COL11A1: variants seen among roughly 807,000 people sequenced by gnomAD.
The protein encoded by COL11A1 is collagen type XI alpha 1 chain.
A neutral mutation model predicts 265.2 loss-of-function variants in COL11A1; 74 were observed. That is an observed-to-expected ratio of 0.28 (90% CI 0.23 to 0.34). The LOEUF is 0.34. COL11A1 is among the 10% of genes least tolerant of loss of function. The pLI, the probability that COL11A1 is intolerant of heterozygous loss-of-function variation, is 1.00. For missense variants in COL11A1, 2,165 were observed against 2,263.6 expected (o/e 0.96, Z 0.88); for synonymous variants, 816 against 727.6 (o/e 1.12, Z -1.96).
chr1:103,004,372 T>C (rs1665402568), intron 20 of COL11A1, 72 bp downstream of exon 20: 3 of 1,101,588 alleles, frequency 2.7e-6, no homozygotes, highest in East Asian at 4.9e-5. Context: ...TCATTGTTTT[T>C]ATATGTGTAA....
Position 102,915,609 on chromosome 1 carries a change from T to C in COL11A1, c.3816+22A>G, listed in dbSNP as rs779648550. On this transcript the variant is annotated intron_variant, in intron 50 of 66. Transcript: ENST00000370096. ...ATTCCCAAACCAATAATACACTATGTTAACAATAACACAGTACTTACGCCT... is the reference window on the plus strand; with the variant it reads ...ATTCCCAAACCAATAATACACTATGCTAACAATAACACAGTACTTACGCCT... The C allele has an allele frequency of 3.1e-6, 5 of 1,605,910 alleles. No homozygotes were observed. The South Asian group carries it at 5.5e-5, about 18-fold the overall frequency.
rs1331147323 is a variant in COL11A1, at chr1:103,006,064, T to C, written c.1791+4A>G. 3 of 1,614,006 alleles carry C rather than the reference T, an allele frequency of 1.9e-6. No individual in the cohort carries two copies. Among genetic ancestry groups the C allele is most frequent in the Admixed American group, 1.7e-5 (1 of 60,020 alleles). On this transcript the variant is annotated splice_donor_region_variant and intron_variant, in intron 17 of 66. Coordinates refer to ENST00000370096, the MANE Select transcript of COL11A1 (RefSeq NM_001854.4). ...GTGAATATAAAAATATGTGAGCTCC[T>C]GACCTTTGCCCCAGGTTCTCCTGGC...
At chr1:102,990,018 CTACAAAAAA>C (rs1318092273) in intron 28 of COL11A1, among the ~76,000 whole-genome samples, 1 of 151,990 alleles carries the variant, frequency 6.6e-6, no homozygotes, top group Non-Finnish European at 1.5e-5. Flanking sequence ...AAACCCATCT[CTACAAAAAA>C]TACAAAAATT....
At chr1:103,018,023 C>T in intron 10 of COL11A1, 141 bp from the exon 11 acceptor site, 1 of 766,150 alleles carries the variant, frequency 1.3e-6, no homozygotes. Context: ...ATTTATCTTC[C>T]TGTGAAAAGA....
At position 103,006,088 on chromosome 1, in the gene COL11A1, G is replaced by A; in HGVS notation, c.1771C>T (p.Pro591Ser). 6.2e-7 allele frequency: 1 copy of A among 1,613,884 alleles called. No individual in the cohort carries two copies. Among genetic ancestry groups the A allele is most frequent in the Non-Finnish European group, 8.5e-7 (1 of 1,179,936 alleles). The change falls in exon 17 of 67, where the codon CCA becomes TCA. Residue 591 changes from proline to serine, a missense_variant. Coordinates refer to ENST00000370096, the MANE Select transcript of COL11A1 (RefSeq NM_001854.4). ...CTGACCTTTGCCCCAGGTTCTCCTG[G>A]CATTCCTCTTCCTCCATCTGCACCT... is the stretch of plus-strand genomic sequence containing the variant. The part of the protein sequence containing the change: ...RPGADGGRGM[P>S]GEPGAKGDRG...
intron 4 of COL11A1, among the ~76,000 whole-genome samples, chr1:103,061,775 T>G (rs1368784309): frequency 6.6e-6 from 1 of 151,906 alleles, no homozygotes; most frequent in African/African-American, 2.4e-5. Context: ...TAAGCTTCTA[T>G]CCTAAGAATC....
In COL11A1 at chr1:103,055,955, C is replaced by T. The variant is rs1670214340; in HGVS notation, c.651+18663G>A. 3.3e-5 allele frequency among the ~76,000 whole-genome samples: 5 copies of T among 152,256 alleles called. No individual in the cohort carries two copies. In the South Asian group the frequency reaches 1.0e-3, roughly 32 times the overall value. ...AAAACTATAAACTCTGAACAAAATG[C>T]AATAAACAACTAGCTGACAATTCTG... On this transcript the variant is annotated intron_variant, in intron 4 of 66. Coordinates refer to ENST00000370096, the MANE Select transcript of COL11A1 (RefSeq NM_001854.4).
In COL11A1 at chr1:102,947,232, ATC is replaced by A. The variant is rs146566120; in HGVS notation, c.3169-278_3169-277del. ...ATGTATTTAATATTTATTTAATGTT[ATC>A]TGTTTCCATTTAAGTGTTCATAATT... On this transcript the variant is annotated intron_variant, in intron 41 of 66. Coordinates refer to ENST00000370096, the MANE Select transcript of COL11A1 (RefSeq NM_001854.4). 0.033 allele frequency among the ~76,000 whole-genome samples: 5,093 copies of A among 152,236 alleles called. 303 individuals carry two copies. Among genetic ancestry groups the A allele is most frequent in the African/African-American group, 0.12 (4,839 of 41,518 alleles).
intron 1 of COL11A1, among the ~76,000 whole-genome samples, chr1:103,090,171 CA>C (rs1558045595): frequency 6.6e-6 from 1 of 151,528 alleles, no homozygotes; most frequent in Non-Finnish European, 1.5e-5. Context: ...AAATAAGTAA[CA>C]ATAATAAAGT....
chr1:102,902,133 A>T (rs1653284522), intron 54 of COL11A1, among the ~76,000 whole-genome samples: 1 of 152,146 alleles, frequency 6.6e-6, no homozygotes, highest in Non-Finnish European at 1.5e-5. Flanking sequence ...CTGATCACTC[A>T]CGTGCATGCT....
At chr1:102,992,498 G>T (rs141180545) in intron 28 of COL11A1, among the ~76,000 whole-genome samples, 1 of 151,580 alleles carries the variant, frequency 6.6e-6, no homozygotes, top group Non-Finnish European at 1.5e-5. Context: ...CTTCTATCTC[G>T]TAAGAGATAA....
At chr1:103,096,759 CA>C (rs1192472470) in intron 1 of COL11A1, among the ~76,000 whole-genome samples, 2 of 151,762 alleles carry the variant, frequency 1.3e-5, no homozygotes, top group African/African-American at 4.8e-5. Flanking sequence ...CTCAAATAAT[CA>C]AAATAGAGAT....
chr1:102,945,246 T>TACTC, intron 42 of COL11A1, among the ~76,000 whole-genome samples: 1 of 62,216 alleles, frequency 1.6e-5, no homozygotes, highest in South Asian at 6.7e-4. Context: ...GTTTTCTTTT[T>TACTC]ACTCTCTCTC....
Position 103,014,584 on chromosome 1 carries a change from C to T in COL11A1, c.1499G>A (p.Gly500Asp). ...GGTTGGTCCTTTGGAACCATCACCA[C>T]CATAACGGAACTTGGAAGAGATAAC... ...GTMLMLPFRY[G>D]GDGSKGPTIS... is the part of the protein sequence containing the mutation. Residue 500 changes from glycine to aspartate, a missense_variant, in exon 13 of 67, where the codon GGT (glycine) becomes GAT (aspartate). By Grantham distance (94) the Gly-to-Asp change is moderately conservative. Coordinates refer to ENST00000370096, the MANE Select transcript of COL11A1 (RefSeq NM_001854.4). 1.2e-6 allele frequency: 2 copies of T among 1,613,404 alleles called. No homozygotes were observed. The highest frequency in any genetic ancestry group is 1.1e-5 in the South Asian group (1 of 91,062).
chr1:102,954,356 GT>G (rs113292485), intron 41 of COL11A1, among the ~76,000 whole-genome samples: 9,452 of 152,160 alleles, frequency 0.062, 595 homozygotes, highest in African/African-American at 0.16. Context: ...TGTTTTATCA[GT>G]TATTTTCACT....
intron 57 of COL11A1, among the ~76,000 whole-genome samples, chr1:102,890,738 A>C (rs1651664149): frequency 6.6e-6 from 1 of 152,134 alleles, no homozygotes; most frequent in Non-Finnish European, 1.5e-5. Flanking sequence ...AAAGTTAGAA[A>C]TAGAACATGG....
At chr1:103,002,876 T>C (rs1665251477) in intron 21 of COL11A1, 85 bp from the exon 22 acceptor site, 3 of 1,226,986 alleles carry the variant, frequency 2.4e-6, no homozygotes, top group East Asian at 2.3e-5. Context: ...AATATCATGA[T>C]ATTCACTACC....
At chr1:102,885,283 G>A (rs1473017502) in intron 63 of COL11A1, among the ~76,000 whole-genome samples, 1 of 151,864 alleles carries the variant, frequency 6.6e-6, no homozygotes, top group Non-Finnish European at 1.5e-5. Flanking sequence ...TTATAGGGGT[G>A]TCAGCTTTGA....
At chr1:102,974,762 T>G in intron 36 of COL11A1, 68 bp downstream of exon 36, 1 of 1,165,828 alleles carries the variant, frequency 8.6e-7, no homozygotes, top group Non-Finnish European at 1.3e-6. Context: ...TATATAAATG[T>G]AAGCTGTGAC....
Sources: allele counts gnomAD v4.1 joint callset (sites outside exome capture counted in the v4.1 genomes callset), GRCh38; gene constraint gnomAD v4.1.1; transcripts MANE v1.5; gene names NCBI Gene and HGNC (gene_info 2026-07-23, HGNC 2026-07-21).